The following TTC21B variants were observed in gnomAD, a reference collection of about 807,000 sequenced individuals.
TTC21B encodes the protein tetratricopeptide repeat domain 21B.
In TTC21B, 127 loss-of-function variants were observed where a neutral mutation model predicts 175.1. That is an observed-to-expected ratio of 0.73 (90% confidence interval 0.63 to 0.84). The LOEUF (loss-of-function observed/expected upper bound fraction) is 0.84. Among genes scored for constraint, TTC21B ranks in the 40% least tolerant of loss-of-function variants. TTC21B has a pLI of 0.00. For missense variants in TTC21B, 1,561 were observed against 1,558.3 expected, an observed-to-expected ratio of 1.00 and a Z score of -0.03; for synonymous variants, 524 against 524.5, an observed-to-expected ratio of 1.00 and a Z score of 0.01.
At chr2:165,941,613 A>T (rs972302640) in intron 5 of TTC21B, among the ~76,000 whole-genome samples, 1 of 152,132 alleles carries the variant, frequency 6.6e-6, no homozygotes, top group African/African-American at 2.4e-5. Context: ...TTAAAGAACA[A>T]GCAAAATACA....
chr2:165,902,034 G>T, intron 19 of TTC21B, 124 bp from the exon 20 acceptor site: 1 of 850,118 alleles, frequency 1.2e-6, no homozygotes, highest in South Asian at 1.6e-5. Flanking sequence ...AACAAAGTCT[G>T]ATCCAAAGAA....
Position 165,949,527 on chromosome 2 carries a change from G to GA in TTC21B, c.152-24dup, listed in dbSNP as rs770942621. 8.1e-5 allele frequency: 130 copies of GA among 1,613,434 alleles called. No individual in the cohort carries two copies. The African/African-American group carries it at 1.5e-3, about 19-fold the overall frequency. On this transcript the variant is annotated intron_variant, in intron 2 of 28. Coordinates refer to ENST00000243344, the MANE Select transcript of TTC21B (RefSeq NM_024753.5). ...TACCTGAAAATCAAGATTATGATAT[G>GA]AAAAACTGTTCTTAGTGCAAAGCAA...
intron 12 of TTC21B, among the ~76,000 whole-genome samples, chr2:165,919,676 G>C (rs548220819): frequency 1.3e-5 from 2 of 152,166 alleles, no homozygotes; most frequent in Admixed American, 1.3e-4. Flanking sequence ...GGGAAAGCAG[G>C]AAAGGATGAG....
intron 16 of TTC21B, 102 bp from the exon 17 acceptor site, chr2:165,912,726 C>G (rs1685999524): frequency 3.4e-6 from 3 of 893,974 alleles, no homozygotes; most frequent in Non-Finnish European, 5.6e-6. Context: ...TGTAATATTA[C>G]ATAAGACTTG....
At chr2:165,928,828 A>G (rs1686775304) in intron 11 of TTC21B, 1 of 350,466 alleles carries the variant, frequency 2.9e-6, no homozygotes, top group Non-Finnish European at 5.4e-6. Context: ...AGACATTGAC[A>G]GTGATGTTAC....
Position 165,917,290 on chromosome 2 carries a change from T to C in TTC21B, c.1866A>G (p.Glu622=). 2 of 1,614,218 alleles carry C rather than the reference T, an allele frequency of 1.2e-6. No individual in the cohort carries two copies. The highest frequency in any genetic ancestry group is 1.7e-6 in the Non-Finnish European group (2 of 1,180,040). ...DTSHRLSIFL[E]LIDVHRLNGE... ...CATTTAAGCGGTGAACGTCTATCAA[T>C]TCAAGAAAGATCGATAAACGATGGC... The change falls in exon 14 of 29, where the codon GAA becomes GAG. Residue 622 remains glutamate (E), a synonymous_variant. Coordinates refer to ENST00000243344, the MANE Select transcript of TTC21B (RefSeq NM_024753.5).
chr2:165,887,168 T>G (rs1046538191), intron 25 of TTC21B, among the ~76,000 whole-genome samples: 1 of 152,178 alleles, frequency 6.6e-6, no homozygotes, highest in Non-Finnish European at 1.5e-5. Flanking sequence ...TGTCCAGGGC[T>G]TTGGGTAGTT....
intron 6 of TTC21B, among the ~76,000 whole-genome samples, chr2:165,938,009 C>G (rs1187969681): frequency 1.3e-5 from 2 of 152,008 alleles, no homozygotes; most frequent in Non-Finnish European, 2.9e-5. Context: ...AGCAAAGTAA[C>G]TATCAAAGAC....
At chr2:165,885,956 T>A (rs1191032157) in intron 25 of TTC21B, among the ~76,000 whole-genome samples, 2 of 152,208 alleles carry the variant, frequency 1.3e-5, no homozygotes, top group African/African-American at 4.8e-5. Context: ...ATCTTTATGG[T>A]TCAAGGTGAT....
At chr2:165,950,097 C>T (rs1383891828) in intron 1 of TTC21B, among the ~76,000 whole-genome samples, 2 of 137,824 alleles carry the variant, frequency 1.5e-5, no homozygotes, top group African/African-American at 2.7e-5. Flanking sequence ...AGACAAGAGG[C>T]TTCCATTGCC....
intron 22 of TTC21B, 57 bp downstream of exon 22, chr2:165,898,629 A>C: frequency 8.3e-7 from 1 of 1,197,806 alleles, no homozygotes; most frequent in South Asian, 1.2e-5. Context: ...AAACAGAAGA[A>C]AAAAGGAGAA....
chr2:165,898,584 A>G lies in TTC21B; in HGVS notation c.2950+102T>C, dbSNP rs1685448636. 5.1e-6 allele frequency: 4 copies of G among 786,722 alleles called. No homozygotes were observed. The Admixed American group carries it at 7.6e-5, about 15-fold the overall frequency. The allele number at this position is 786,722 out of a possible 1,614,324, so 48.7% of individuals were successfully genotyped here. On this transcript the variant is annotated intron_variant, in intron 22 of 28. Coordinates refer to ENST00000243344, the MANE Select transcript of TTC21B (RefSeq NM_024753.5). ...TGGAATAAACAGACAGTCTGATTCA[A>G]CTAGGGACGGAGTTTGCCCGAGGGC...
At chr2:165,942,855 C>A (rs1412533057) in intron 5 of TTC21B, among the ~76,000 whole-genome samples, 1 of 152,170 alleles carries the variant, frequency 6.6e-6, no homozygotes, top group African/African-American at 2.4e-5. Context: ...TGTCTGCCTC[C>A]ATCAGTAGGA....
chr2:165,938,704 A>G (rs1015674745), intron 6 of TTC21B, among the ~76,000 whole-genome samples: 1 of 151,990 alleles, frequency 6.6e-6, no homozygotes, highest in Non-Finnish European at 1.5e-5. Flanking sequence ...GGAAACAGGG[A>G]AACAGAAAAG....
At chr2:165,928,762 C>T (rs566469958) in intron 11 of TTC21B, 1 of 199,410 alleles carries the variant, frequency 5.0e-6, no homozygotes, top group Admixed American at 5.5e-5. Context: ...GAAACACAGG[C>T]TAACAATCAT....
At chr2:165,902,439 T>A (rs932354463) in intron 19 of TTC21B, among the ~76,000 whole-genome samples, 1 of 152,188 alleles carries the variant, frequency 6.6e-6, no homozygotes, top group East Asian at 1.9e-4. Context: ...CCACATGCAA[T>A]ATATTATGCT....
At chr2:165,918,542 A>G (rs1034903549) in intron 13 of TTC21B, among the ~76,000 whole-genome samples, 2 of 151,784 alleles carry the variant, frequency 1.3e-5, no homozygotes, top group African/African-American at 2.4e-5. Context: ...TGATCTGCCC[A>G]CCTCGGCCTC....
chr2:165,889,234 C>G (rs1685106621), intron 24 of TTC21B, among the ~76,000 whole-genome samples: 1 of 152,216 alleles, frequency 6.6e-6, no homozygotes, highest in African/African-American at 2.4e-5. Flanking sequence ...CTTGCCTAAA[C>G]ATGTCACGCT....
At chr2:165,932,248 T>C (rs1430477340) in intron 7 of TTC21B, among the ~76,000 whole-genome samples, 1 of 152,084 alleles carries the variant, frequency 6.6e-6, no homozygotes, top group Non-Finnish European at 1.5e-5. Context: ...TACAGACTGG[T>C]TTATATTCAA....
Sources: allele counts gnomAD v4.1 joint callset (sites outside exome capture counted in the v4.1 genomes callset), GRCh38; gene constraint gnomAD v4.1.1; transcripts MANE v1.5; gene names NCBI Gene and HGNC (gene_info 2026-07-23, HGNC 2026-07-21).